Variants in MICOS10 observed in about 807,000 individuals in gnomAD.
The protein encoded by MICOS10 is mitochondrial contact site and cristae organizing system subunit 10.
Under a neutral mutation model 13.4 loss-of-function variants are expected in MICOS10, and 5 were observed. That is an observed-to-expected ratio of 0.37 (90% CI 0.20 to 0.78). MICOS10 has a LOEUF of 0.78. Among genes scored for constraint, MICOS10 ranks in the 30% least tolerant of loss-of-function variants. MICOS10 has a pLI of 0.47. For synonymous variants in MICOS10, 35 were observed against 33.6 expected (o/e 1.04, Z -0.15); for missense variants, 101 against 94.6 (o/e 1.07, Z -0.28).
chr1:19,608,402 C>T, intron 1 of MICOS10: 1 of 1,267,340 alleles, frequency 7.9e-7, no homozygotes, highest in Non-Finnish European at 1.2e-6. Flanking sequence ...ACACATCCAA[C>T]TCCGGGCCAC....
At chr1:19,608,156 A>G (rs1377602079) in intron 1 of MICOS10, 3 of 1,248,066 alleles carry the variant, frequency 2.4e-6, no homozygotes, top group Non-Finnish European at 3.6e-6. Flanking sequence ...AGAACAGGTC[A>G]TCAACCTCGG....
At chr1:19,604,462 T>G (rs1300545624) in intron 1 of MICOS10, among the ~76,000 whole-genome samples, 1 of 152,076 alleles carries the variant, frequency 6.6e-6, no homozygotes, top group Non-Finnish European at 1.5e-5. Flanking sequence ...TGAGCTAAGA[T>G]GCAGCCACTG....
At chr1:19,597,507 C>A (rs1363305544) in intron 1 of MICOS10, among the ~76,000 whole-genome samples, 1 of 152,184 alleles carries the variant, frequency 6.6e-6, no homozygotes, top group Non-Finnish European at 1.5e-5. Context: ...TGCTCCCCGG[C>A]GGAAACCAAA....
At chr1:19,608,368 C>A in intron 1 of MICOS10, 4 of 1,264,180 alleles carry the variant, frequency 3.2e-6, no homozygotes, top group Non-Finnish European at 4.6e-6. Flanking sequence ...CCCAGAGGTG[C>A]AAGGAGCTGG....
chr1:19,597,518 G>A (rs2094797162), intron 1 of MICOS10, among the ~76,000 whole-genome samples: 1 of 152,232 alleles, frequency 6.6e-6, no homozygotes, highest in Admixed American at 6.5e-5. Context: ...GGAAACCAAA[G>A]TGCCTTCTGG....
At chr1:19,602,997 C>T (rs936402233) in intron 1 of MICOS10, among the ~76,000 whole-genome samples, 1 of 152,028 alleles carries the variant, frequency 6.6e-6, no homozygotes, top group African/African-American at 2.4e-5. Flanking sequence ...GGCTGCTTCC[C>T]TGTGGTTTGA....
intron 1 of MICOS10, among the ~76,000 whole-genome samples, chr1:19,613,102 G>A (rs916097922): frequency 6.6e-6 from 1 of 152,166 alleles, no homozygotes; most frequent in Non-Finnish European, 1.5e-5. Flanking sequence ...ATACAGGAAA[G>A]GTGGAGGGAG....
chr1:19,625,437 G>A (rs1337955193), intron 3 of MICOS10: 1 of 1,289,428 alleles, frequency 7.8e-7, no homozygotes, highest in Non-Finnish European at 1.0e-6. Context: ...CATGTCTGCT[G>A]GAGAGATGGG....
At chr1:19,614,578 A>G (rs562927192) in intron 1 of MICOS10, 1 of 152,122 alleles carries the variant, frequency 6.6e-6, no homozygotes, top group East Asian at 1.9e-4. Flanking sequence ...CGGCCTCCCA[A>G]AGTGCTGGGA....
intron 1 of MICOS10, among the ~76,000 whole-genome samples, chr1:19,618,755 A>G (rs1376392518): frequency 6.6e-6 from 1 of 152,206 alleles, no homozygotes; most frequent in Non-Finnish European, 1.5e-5. Context: ...CCTTTCTTTC[A>G]GACATGTAAG....
At chr1:19,618,057 G>C (rs1167841157) in intron 1 of MICOS10, among the ~76,000 whole-genome samples, 1 of 151,554 alleles carries the variant, frequency 6.6e-6, no homozygotes, top group African/African-American at 2.4e-5. Context: ...TCCACAGTGT[G>C]ATCCTACGTA....
rs138773656 is a variant in MICOS10, at chr1:19,619,052, T to C, written c.65-3048T>C. On this transcript the variant is annotated intron_variant, in intron 1 of 3. Coordinates refer to ENST00000322753, the MANE Select transcript of MICOS10 (RefSeq NM_001032363.4). ...TGAGGTCTTAATAATTGCCATAAGT[T>C]ATTGATAGATGAAATGGGTCTATAG... Among the ~76,000 whole-genome samples, 887 of 152,344 alleles carry C rather than the reference T, an allele frequency of 5.8e-3. 10 individuals are homozygous for C. The highest frequency in any genetic ancestry group is 0.02 in the African/African-American group (840 of 41,580).
chr1:19,623,734 T>C (rs2094912258), intron 3 of MICOS10, 151 bp downstream of exon 3: 1 of 596,854 alleles, frequency 1.7e-6, no homozygotes, highest in African/African-American at 1.9e-5. Flanking sequence ...CCTTCAGTGA[T>C]GTCATCACTG....
intron 1 of MICOS10, among the ~76,000 whole-genome samples, chr1:19,604,325 T>G (rs1167912242): frequency 6.6e-6 from 1 of 152,050 alleles, no homozygotes; most frequent in Non-Finnish European, 1.5e-5. Context: ...TGGCCAACAA[T>G]GGTGAAACCC....
chr1:19,623,388 C>A, intron 2 of MICOS10, 86 bp from the exon 3 acceptor site: 1 of 779,362 alleles, frequency 1.3e-6, no homozygotes, highest in Non-Finnish European at 2.2e-6. Context: ...ATTTATTGAA[C>A]CCTAAGTAAA....
rs145132956 is a variant in MICOS10 at position 19,622,632 on chromosome 1, A to T, written c.112+485A>T. 5.6e-3 allele frequency among the ~76,000 whole-genome samples: 850 copies of T among 152,326 alleles called. 6 individuals carry two copies. The highest frequency in any genetic ancestry group is 0.019 in the African/African-American group (803 of 41,578). ...CTTCTGAAGTTTGGATACCGAATAG[A>T]TGCCAGAGGGATCCTTTTGACCTCT... On this transcript the variant is annotated intron_variant, in intron 2 of 3. Transcript: ENST00000322753.
At chr1:19,625,267 A>C in intron 3 of MICOS10, 1 of 1,013,630 alleles carries the variant, frequency 9.9e-7, no homozygotes, top group Non-Finnish European at 1.3e-6. Context: ...TTCCACTGTA[A>C]CAACAAGTAG....
chr1:19,598,604 C>T (rs1048468827), intron 1 of MICOS10, among the ~76,000 whole-genome samples: 2 of 143,894 alleles, frequency 1.4e-5, no homozygotes, highest in Non-Finnish European at 3.1e-5. Flanking sequence ...AAGTGAGACC[C>T]TTCCCTTAAA....
chr1:19,600,103 A>G (rs969250324), intron 1 of MICOS10, among the ~76,000 whole-genome samples: 2 of 152,196 alleles, frequency 1.3e-5, no homozygotes, highest in African/African-American at 4.8e-5. Context: ...CAAAGACCAC[A>G]GTTACTTTTG....
Sources: allele counts gnomAD v4.1 joint callset (sites outside exome capture counted in the v4.1 genomes callset), GRCh38; gene constraint gnomAD v4.1.1; transcripts MANE v1.5; gene names NCBI Gene and HGNC (gene_info 2026-07-23, HGNC 2026-07-21).